The following LGR5 variants were observed in gnomAD, a reference collection of about 807,000 sequenced individuals.
The protein encoded by LGR5 is leucine-rich repeat-containing G protein-coupled receptor 5.
Under a neutral mutation model 76.7 loss-of-function variants are expected in LGR5, and 54 were observed. That is an observed-to-expected ratio of 0.70 (90% confidence interval 0.57 to 0.88). LGR5 has a LOEUF of 0.88. Among genes scored for constraint, LGR5 ranks in the 40% least tolerant of loss-of-function variants. LGR5 has a pLI of 0.00. For synonymous variants in LGR5, 406 were observed against 421.9 expected (o/e 0.96, Z 0.46); for missense variants, 1,078 against 1,073.3 (o/e 1.00, Z -0.06).
At chr12:71,583,452 C>T (rs1228142778) in intron 17 of LGR5, 195 bp from the exon 18 acceptor site, 10 of 618,800 alleles carry the variant, frequency 1.6e-5, no homozygotes, top group Non-Finnish European at 2.8e-5. Context: ...CGGGTGTACT[C>T]ACCCAGCCAG....
chr12:71,482,990 G>C (rs941678840), intron 1 of LGR5, among the ~76,000 whole-genome samples: 1 of 152,010 alleles, frequency 6.6e-6, no homozygotes, highest in Non-Finnish European at 1.5e-5. Context: ...ATTGGGTTCT[G>C]ACATTACTGC....
chr12:71,559,533 G>A (rs1877952497), intron 6 of LGR5, 53 bp from the exon 7 acceptor site: 1 of 954,146 alleles, frequency 1.0e-6, no homozygotes, highest in Non-Finnish European at 1.7e-6. Context: ...TGTAAATAGA[G>A]TATATATGAA....
chr12:71,584,295 G>A lies in LGR5; in HGVS notation c.2285G>A (p.Cys762Tyr), dbSNP rs377173431. Residue 762 changes from cysteine to tyrosine, a missense_variant, in exon 18 of 18, where the codon TGC (cysteine) becomes TAC (tyrosine). Cys to Tyr is a radical substitution (Grantham distance 194, BLOSUM62 -2). Transcript: ENST00000266674. ...DKGDLENIWD[C>Y]SMVKHIALLL... is the part of the protein sequence containing the mutation. Reference sequence around the variant, plus strand: ...GGAGACCTGGAGAATATTTGGGACTGCTCTATGGTAAAACACATTGCCCTG... The same window carrying A: ...GGAGACCTGGAGAATATTTGGGACTACTCTATGGTAAAACACATTGCCCTG... 1.2e-6 allele frequency: 2 copies of A among 1,614,060 alleles called. No homozygotes were observed. Among genetic ancestry groups the A allele is most frequent in the Admixed American group, 1.7e-5 (1 of 60,010 alleles).
At chr12:71,494,109 A>G (rs1874205838) in intron 1 of LGR5, among the ~76,000 whole-genome samples, 1 of 149,258 alleles carries the variant, frequency 6.7e-6, no homozygotes, top group South Asian at 2.1e-4. Context: ...ATGCCCGGCT[A>G]ATTTTTTATA....
At chr12:71,462,541 T>G (rs762378832) in intron 1 of LGR5, among the ~76,000 whole-genome samples, 1 of 152,142 alleles carries the variant, frequency 6.6e-6, no homozygotes. Context: ...GTTTCTCCCA[T>G]GGGCAAAAGT....
At chr12:71,487,776 T>TCCC (rs1873898266) in intron 1 of LGR5, among the ~76,000 whole-genome samples, 1 of 152,164 alleles carries the variant, frequency 6.6e-6, no homozygotes, top group Non-Finnish European at 1.5e-5. Context: ...TACATAGGGG[T>TCCC]CCAGTCTTCA....
At chr12:71,509,430 G>T (rs1049752042) in intron 2 of LGR5, among the ~76,000 whole-genome samples, 2 of 152,118 alleles carry the variant, frequency 1.3e-5, no homozygotes, top group Non-Finnish European at 2.9e-5. Context: ...AGCTTTAATG[G>T]ATATAGGCAA....
At chr12:71,467,322 T>C (rs56030451) in intron 1 of LGR5, among the ~76,000 whole-genome samples, 6,857 of 152,190 alleles carry the variant, frequency 0.045, 370 homozygotes, top group African/African-American at 0.13. Flanking sequence ...GTGAAGATAA[T>C]TGTACATTTG....
intron 17 of LGR5, among the ~76,000 whole-genome samples, chr12:71,582,867 C>T (rs1023640308): frequency 1.3e-5 from 2 of 151,450 alleles, no homozygotes; most frequent in African/African-American, 2.4e-5. Context: ...GTGTAATCAC[C>T]GACATTTGAA....
At chr12:71,522,817 A>T (rs1875792265) in intron 2 of LGR5, among the ~76,000 whole-genome samples, 1 of 152,172 alleles carries the variant, frequency 6.6e-6, no homozygotes, top group Admixed American at 6.6e-5. Flanking sequence ...GGAGTTTTGG[A>T]TCTGGAAGGG....
intron 3 of LGR5, among the ~76,000 whole-genome samples, chr12:71,529,359 A>AG (rs1394668700): frequency 6.6e-6 from 1 of 152,054 alleles, no homozygotes; most frequent in Non-Finnish European, 1.5e-5. Flanking sequence ...AGAGAGAGCG[A>AG]GGGGGGATCT....
At chr12:71,552,100 G>C (rs1403635325) in intron 4 of LGR5, among the ~76,000 whole-genome samples, 1 of 151,956 alleles carries the variant, frequency 6.6e-6, no homozygotes, top group East Asian at 1.9e-4. Context: ...GGGGGGCAAG[G>C]GGAGGGAGAG....
At chr12:71,464,888 G>C (rs1872802962) in intron 1 of LGR5, among the ~76,000 whole-genome samples, 1 of 152,050 alleles carries the variant, frequency 6.6e-6, no homozygotes, top group South Asian at 2.1e-4. Context: ...AATATCCTGG[G>C]GTGTACCTTC....
rs1300813512 is a variant in LGR5, at chr12:71,482,128, T to C, written c.213-22486T>C. Among the ~76,000 whole-genome samples the C allele has an allele frequency of 4.6e-5, 7 of 152,152 alleles. No homozygotes were observed. The East Asian group carries it at 1.3e-3, about 29-fold the overall frequency. ...CATTAGAAGTTTACTTTTTCTTTCA[T>C]CAAAAAGGCAAACCTAATAGTTTTC... On this transcript the variant is annotated intron_variant, in intron 1 of 17. Transcript: ENST00000266674.
intron 8 of LGR5, among the ~76,000 whole-genome samples, chr12:71,565,654 T>C (rs1309142254): frequency 6.6e-6 from 1 of 150,592 alleles, no homozygotes. Flanking sequence ...AGTTACCCAA[T>C]GACAGCTTTT....
At chr12:71,455,192 G>A (rs1025804896) in intron 1 of LGR5, among the ~76,000 whole-genome samples, 1 of 152,112 alleles carries the variant, frequency 6.6e-6, no homozygotes. Context: ...TTCAATATGC[G>A]ACCGAGTTTG....
chr12:71,514,856 G>GA (rs1265031050), intron 2 of LGR5, among the ~76,000 whole-genome samples: 1 of 152,202 alleles, frequency 6.6e-6, no homozygotes, highest in Non-Finnish European at 1.5e-5. Flanking sequence ...TAGAACAATG[G>GA]AAGGGGGTAG....
At chr12:71,570,486 G>A (rs1878557490) in intron 11 of LGR5, among the ~76,000 whole-genome samples, 1 of 151,970 alleles carries the variant, frequency 6.6e-6, no homozygotes, top group Non-Finnish European at 1.5e-5. Flanking sequence ...CCAATTATCA[G>A]CTTTGATAAT....
At chr12:71,574,848 C>T (rs1878779650) in intron 13 of LGR5, among the ~76,000 whole-genome samples, 1 of 152,158 alleles carries the variant, frequency 6.6e-6, no homozygotes, top group Non-Finnish European at 1.5e-5. Flanking sequence ...CTCAGATGCG[C>T]TTTGCACATT....
Sources: gnomAD v4.1 joint callset for allele counts (sites outside exome capture counted in the v4.1 genomes callset) on GRCh38, gnomAD v4.1.1 for gene constraint, MANE v1.5 for transcripts, NCBI Gene and HGNC (gene_info 2026-07-23, HGNC 2026-07-21) for gene names.